The following EPB41L4A variants were observed in gnomAD, a reference collection of about 807,000 sequenced individuals.
The protein encoded by EPB41L4A is erythrocyte membrane protein band 4.1 like 4A.
In EPB41L4A, 100 loss-of-function variants were observed where a neutral mutation model predicts 108.6. The ratio of observed to expected loss-of-function variants is 0.92; its 90% CI spans 0.78 to 1.09. The LOEUF (loss-of-function observed/expected upper bound fraction) is 1.09. EPB41L4A is among the 50% of genes least tolerant of loss of function. EPB41L4A has a pLI of 0.00. For synonymous variants in EPB41L4A, 319 were observed against 289.0 expected (o/e 1.10, Z -1.05); for missense variants, 1,030 against 842.7 (o/e 1.22, Z -2.75).
chr5:112,385,948 A>G (rs1321018952), intron 1 of EPB41L4A, among the ~76,000 whole-genome samples: 1 of 152,234 alleles, frequency 6.6e-6, no homozygotes, highest in Non-Finnish European at 1.5e-5. Context: ...TTACTGTTTC[A>G]GAAATAGTTG....
intron 1 of EPB41L4A, among the ~76,000 whole-genome samples, chr5:112,343,323 G>C (rs920158769): frequency 6.6e-6 from 1 of 152,152 alleles, no homozygotes; most frequent in African/African-American, 2.4e-5. Context: ...CAGTGATTAA[G>C]AATTCAGATT....
chr5:112,354,964 T>G (rs1397236708), intron 1 of EPB41L4A, among the ~76,000 whole-genome samples: 1 of 152,214 alleles, frequency 6.6e-6, no homozygotes, highest in Admixed American at 6.5e-5. Context: ...TTATCTGATT[T>G]TTTTTAAAGT....
chr5:112,365,657 T>TA (rs1759078747), intron 1 of EPB41L4A, among the ~76,000 whole-genome samples: 1 of 152,196 alleles, frequency 6.6e-6, no homozygotes, highest in Non-Finnish European at 1.5e-5. Flanking sequence ...GAGCTCCACA[T>TA]TTTATTCAGA....
chr5:112,401,595 A>C (rs1761752198), intron 1 of EPB41L4A, among the ~76,000 whole-genome samples: 1 of 152,234 alleles, frequency 6.6e-6, no homozygotes, highest in Non-Finnish European at 1.5e-5. Context: ...AGAAGTATAA[A>C]ATCTACTGGT....
At position 112,307,349 on chromosome 5, in the gene EPB41L4A, T is replaced by C. The variant is rs557566750; in HGVS notation, c.204+37A>G. 12 of 1,405,876 alleles carry C rather than the reference T, an allele frequency of 8.5e-6. No homozygotes were observed. In the African/African-American group the frequency reaches 1.7e-4, roughly 20 times the overall value. 87.1% of individuals were successfully genotyped at this position (1,405,876 alleles called of 1,614,324 possible). On this transcript the variant is annotated intron_variant, in intron 2 of 22. Coordinates refer to ENST00000261486, the MANE Select transcript of EPB41L4A (RefSeq NM_022140.5). The stretch of plus-strand genomic sequence containing the variant: ...AAAGCCAGAGATAGAGTGAAATTTA[T>C]AACCAGAAAAATTTAACACAAAGTC...
At chr5:112,351,838 T>A (rs1191623652) in intron 1 of EPB41L4A, among the ~76,000 whole-genome samples, 1 of 152,034 alleles carries the variant, frequency 6.6e-6, no homozygotes, top group Non-Finnish European at 1.5e-5. Context: ...CAAGGATGAG[T>A]CAATAAACGC....
At chr5:112,207,973 C>T (rs775340304) in intron 13 of EPB41L4A, among the ~76,000 whole-genome samples, 2 of 152,044 alleles carry the variant, frequency 1.3e-5, no homozygotes, top group Admixed American at 6.6e-5. Flanking sequence ...TATGGCTGGG[C>T]GCAATGGCTC....
At chr5:112,191,571 A>G (rs1201689442) in intron 17 of EPB41L4A, among the ~76,000 whole-genome samples, 1 of 152,206 alleles carries the variant, frequency 6.6e-6, no homozygotes, top group Non-Finnish European at 1.5e-5. Context: ...ATCCATGGAA[A>G]CAGTAAAGCA....
At chr5:112,370,191 A>ATT (rs77297021) in intron 1 of EPB41L4A, among the ~76,000 whole-genome samples, 15 of 136,980 alleles carry the variant, frequency 1.1e-4, no homozygotes, top group East Asian at 2.1e-4. Context: ...AGCCTGTCTA[A>ATT]TTTTTTTTTT....
At chr5:112,336,200 C>T (rs1580709213) in intron 1 of EPB41L4A, among the ~76,000 whole-genome samples, 1 of 152,234 alleles carries the variant, frequency 6.6e-6, no homozygotes. Flanking sequence ...AGTGGCAAAT[C>T]CAGAAACAAA....
At chr5:112,417,446 T>C (rs993932520) in intron 1 of EPB41L4A, among the ~76,000 whole-genome samples, 47 of 152,258 alleles carry the variant, frequency 3.1e-4, no homozygotes, top group Non-Finnish European at 1.0e-4. Context: ...TAATTGTTTC[T>C]ATCTCGACAC....
chr5:112,284,958 T>C (rs2150518954), intron 2 of EPB41L4A, among the ~76,000 whole-genome samples: 1 of 152,330 alleles, frequency 6.6e-6, no homozygotes, highest in African/African-American at 2.4e-5. Flanking sequence ...TCTGAAACTC[T>C]AATAGTGCCC....
chr5:112,145,803 CT>C, intron 13 of EPB41L4A: 1 of 411,444 alleles, frequency 2.4e-6, no homozygotes. Flanking sequence ...AAGAACAACC[CT>C]AGACACATTC....
chr5:112,208,391 C>A (rs550918752), intron 13 of EPB41L4A, among the ~76,000 whole-genome samples: 1 of 152,042 alleles, frequency 6.6e-6, no homozygotes, highest in Non-Finnish European at 1.5e-5. Context: ...GAATACTACA[C>A]AGCCATAAAA....
At chr5:112,143,810 G>A in exon 14 of EPB41L4A, 1 of 450,106 alleles carries the variant, frequency 2.2e-6, no homozygotes, top group Non-Finnish European at 4.5e-6. Context: ...AGCAGCCAAG[G>A]AGGTGGGGCT....
At chr5:112,146,528 C>T (rs1424455326) in intron 12 of EPB41L4A, among the ~76,000 whole-genome samples, 1 of 152,176 alleles carries the variant, frequency 6.6e-6, no homozygotes, top group East Asian at 1.9e-4. Flanking sequence ...ACAGATTTTT[C>T]TAAAAATATC....
At chr5:112,307,609 T>C (rs1754780238) in intron 1 of EPB41L4A, 119 bp from the exon 2 acceptor site, 1 of 581,422 alleles carries the variant, frequency 1.7e-6, no homozygotes, top group Non-Finnish European at 2.9e-6. Context: ...TATCAGACCA[T>C]GGTTCTTCTC....
intron 12 of EPB41L4A, among the ~76,000 whole-genome samples, chr5:112,232,173 G>T (rs1044177696): frequency 6.6e-6 from 1 of 151,366 alleles, no homozygotes; most frequent in Non-Finnish European, 1.5e-5. Flanking sequence ...CTGGGAGGCT[G>T]TCCTCCAAAA....
At chr5:112,278,890 A>T (rs1351668007) in intron 3 of EPB41L4A, among the ~76,000 whole-genome samples, 1 of 146,212 alleles carries the variant, frequency 6.8e-6, no homozygotes, top group Admixed American at 6.8e-5. Context: ...CCCCATCTCT[A>T]CTAAAAATAC....
Sources: gnomAD v4.1 joint callset for allele counts (sites outside exome capture counted in the v4.1 genomes callset) on GRCh38, gnomAD v4.1.1 for gene constraint, MANE v1.5 for transcripts, NCBI Gene and HGNC (gene_info 2026-07-23, HGNC 2026-07-21) for gene names.